TENM2: variants seen among roughly 807,000 people sequenced by gnomAD.
TENM2 encodes the protein teneurin-2.
TENM2 carries 52 observed loss-of-function variants against 245.2 expected under a neutral mutation model. The observed-to-expected ratio is 0.21, with a 90% CI of 0.17 to 0.27. The LOEUF (loss-of-function observed/expected upper bound fraction) is 0.27, where lower values mean the gene tolerates loss of function less well. Ranked by LOEUF, TENM2 falls within the 10% of genes least tolerant of loss-of-function variation. The probability of loss-of-function intolerance (pLI) is 1.00; values close to 1 mark genes in which losing one functional copy is unlikely to be tolerated. For synonymous variants in TENM2, 1,363 were observed against 1,438.9 expected, an observed-to-expected ratio of 0.95 and a Z score of 1.19; for missense variants, 3,046 against 3,666.8, an observed-to-expected ratio of 0.83 and a Z score of 4.37.
chr5:167,875,184 G>A (rs771338194), intron 2 of TENM2, among the ~76,000 whole-genome samples: 1 of 152,148 alleles, frequency 6.6e-6, no homozygotes, highest in Non-Finnish European at 1.5e-5. Flanking sequence ...CAGGCAGATG[G>A]GCAAATTTCA....
In TENM2 at chr5:167,548,198, A is replaced by G. The variant is rs565027793; in HGVS notation, c.502+172725A>G. Among the ~76,000 whole-genome samples, 3 of 152,362 alleles carry G rather than the reference A, an allele frequency of 2.0e-5. 1 individual carries two copies. Among genetic ancestry groups the G allele is most frequent in the Admixed American group, 2.0e-4 (3 of 15,304 alleles). ...GATAGTCAGATGAAAGGTGCTTTAG[A>G]AGGCAGACATGATTACTGGATTAGA... On this transcript the variant is annotated intron_variant, in intron 2 of 28. Coordinates refer to ENST00000518659, the Ensembl canonical transcript of TENM2.
At chr5:167,511,500 G>A (rs1362535517) in intron 2 of TENM2, among the ~76,000 whole-genome samples, 1 of 152,158 alleles carries the variant, frequency 6.6e-6, no homozygotes, top group Non-Finnish European at 1.5e-5. Context: ...GAAGAAATTT[G>A]CATTCTTTTG....
chr5:167,984,068 A>C (rs541107930), intron 4 of TENM2, among the ~76,000 whole-genome samples: 24 of 152,256 alleles, frequency 1.6e-4, no homozygotes, highest in Middle Eastern at 3.4e-3. Context: ...AAGCCCAAGA[A>C]GTAGCTACTA....
intron 2 of TENM2, chr5:167,821,169 T>A (rs1767493421): frequency 6.6e-6 from 1 of 152,076 alleles, no homozygotes. Context: ...CAGGGAACAT[T>A]TGTTTTGTTT....
At chr5:167,873,142 G>A (rs912462514) in intron 2 of TENM2, among the ~76,000 whole-genome samples, 8 of 152,370 alleles carry the variant, frequency 5.3e-5, no homozygotes, top group Non-Finnish European at 1.2e-4. Context: ...GAGTTCAGGA[G>A]CCTTGAAGAA....
intron 23 of TENM2, among the ~76,000 whole-genome samples, chr5:168,223,869 T>C (rs983546571): frequency 1.3e-5 from 2 of 152,120 alleles, no homozygotes; most frequent in Non-Finnish European, 2.9e-5. Context: ...TAAATGTCTA[T>C]ATTTTCAGAG....
At chr5:168,180,297 A>G (rs1473155080) in intron 13 of TENM2, among the ~76,000 whole-genome samples, 1 of 152,218 alleles carries the variant, frequency 6.6e-6, no homozygotes, top group Non-Finnish European at 1.5e-5. Flanking sequence ...TGCGTACTCC[A>G]TGACAATATT....
At chr5:167,372,449 T>C (rs1450442797) in intron 1 of TENM2, among the ~76,000 whole-genome samples, 1 of 152,230 alleles carries the variant, frequency 6.6e-6, no homozygotes, top group Non-Finnish European at 1.5e-5. Context: ...CTGTTACCTC[T>C]GGAACCCAGG....
chr5:168,025,878 G>C lies in TENM2; in HGVS notation c.1187-21549G>C, dbSNP rs189841550. On this transcript the variant is annotated intron_variant, in intron 5 of 28. Transcript: ENST00000518659. The stretch of plus-strand genomic sequence containing the variant: ...CAATAAAGGCTTCATTGGCCAGTGC[G>C]TCCTGAGGTTGGAATTAAGTCTCTC... Among the ~76,000 whole-genome samples the C allele has an allele frequency of 9.2e-5, 14 of 152,268 alleles. No individual in the cohort carries two copies. In the East Asian group the frequency reaches 2.1e-3, roughly 23 times the overall value.
At position 168,001,985 on chromosome 5, in the gene TENM2, C is replaced by T. The variant is rs2617957; in HGVS notation, c.1186+8803C>T. Among the ~76,000 whole-genome samples the T allele has an allele frequency of 5.8e-3, 881 of 152,316 alleles. 10 individuals are homozygous for T. The highest frequency in any genetic ancestry group is 0.02 in the African/African-American group (834 of 41,566). On this transcript the variant is annotated intron_variant, in intron 5 of 28. Coordinates refer to ENST00000518659, the Ensembl canonical transcript of TENM2. Reference sequence around the variant, plus strand: ...TATCACACTGTATCAGAAAATATAACAGCACTAAGCTACATGTTGGTAAGA... The same window carrying T: ...TATCACACTGTATCAGAAAATATAATAGCACTAAGCTACATGTTGGTAAGA...
At chr5:167,260,949 T>C in the TENM2 span, among the ~76,000 whole-genome samples, 2 of 152,214 alleles carry the variant, frequency 1.3e-5, no homozygotes, top group Non-Finnish European at 2.9e-5. Context: ...ACTAGGTCTT[T>C]AAATCCTCAT....
Position 167,859,396 on chromosome 5 carries a change from C to T in TENM2, c.503-16590C>T, listed in dbSNP as rs1238530781. On this transcript the variant is annotated intron_variant, in intron 2 of 28. Transcript: ENST00000518659. ...AGGGAGGTGGGGGGGGTCAGCCCCCCGCCCGGCCAGCCGCCCCGTCCGGGA... is the reference window on the plus strand; with the variant it reads ...AGGGAGGTGGGGGGGGTCAGCCCCCTGCCCGGCCAGCCGCCCCGTCCGGGA... Among the ~76,000 whole-genome samples the T allele has an allele frequency of 1.1e-3, 153 of 140,658 alleles. No individual in the cohort carries two copies. The South Asian group carries it at 0.012, about 11-fold the overall frequency. The allele number at this position is 140,658 out of a possible 152,430, so 92.3% of individuals were successfully genotyped here.
rs368554095 is a variant in TENM2, at chr5:167,965,347, A to G, written c.947+12525A>G. The G allele has an allele frequency of 4.3e-4, 66 of 152,342 alleles. 1 individual carries two copies. Among genetic ancestry groups the G allele is most frequent in the African/African-American group, 1.5e-3 (64 of 41,570 alleles). The allele number at this position is 152,342 out of a possible 1,614,324, so 9.4% of individuals were successfully genotyped here. On this transcript the variant is annotated intron_variant, in intron 4 of 28. Coordinates refer to ENST00000518659, the Ensembl canonical transcript of TENM2. ...GATTCTAAAATAATATGTATAACAC[A>G]GAAAATCATCCATTTACAGATAATA...
chr5:168,162,489 G>C, intron 12 of TENM2, 122 bp from the exon 15 acceptor site: 1 of 1,026,598 alleles, frequency 9.7e-7, no homozygotes, highest in Non-Finnish European at 1.4e-6. Context: ...GGCAGGCGCG[G>C]GCCCCACTGT....
At position 167,888,688 on chromosome 5, in the gene TENM2, G is replaced by A. The variant is rs150240381; in HGVS notation, c.712+12493G>A. The stretch of plus-strand genomic sequence containing the variant: ...GTTAAACATAGAAAAACTGTTTTGT[G>A]TGGTGCTTTAAAATTCTAGCTCAGG... On this transcript the variant is annotated intron_variant, in intron 3 of 28. Coordinates refer to ENST00000518659, the Ensembl canonical transcript of TENM2. Among the ~76,000 whole-genome samples, 26 of 152,310 alleles carry A rather than the reference G, an allele frequency of 1.7e-4. No individual in the cohort carries two copies. The East Asian group carries it at 3.1e-3, about 18-fold the overall frequency.
intron 1 of TENM2, among the ~76,000 whole-genome samples, chr5:167,299,225 G>A (rs1353497760): frequency 6.6e-6 from 1 of 152,170 alleles, no homozygotes; most frequent in Non-Finnish European, 1.5e-5. Flanking sequence ...AAACTGCTTG[G>A]CTGATTTGAC....
At chr5:167,220,622 C>T in the TENM2 span, among the ~76,000 whole-genome samples, 2,014 of 152,196 alleles carry the variant, frequency 0.013, 10 homozygotes, top group Middle Eastern at 0.031. Flanking sequence ...TGACTGGTAG[C>T]GCAATCATAA....
intron 2 of TENM2, among the ~76,000 whole-genome samples, chr5:167,823,132 T>A (rs1178327556): frequency 6.6e-6 from 1 of 152,160 alleles, no homozygotes; most frequent in African/African-American, 2.4e-5. Flanking sequence ...TTGATAGTGC[T>A]AGTTTGCCTT....
chr5:168,076,294 C>T (rs958904386), intron 7 of TENM2, among the ~76,000 whole-genome samples: 3 of 150,360 alleles, frequency 2.0e-5, no homozygotes, highest in Admixed American at 1.3e-4. Flanking sequence ...GGTGTGATCT[C>T]GGCTCACTGC....
Sources: allele counts gnomAD v4.1 joint callset (sites outside exome capture counted in the v4.1 genomes callset), GRCh38; gene constraint gnomAD v4.1.1; transcripts MANE v1.5; gene names NCBI Gene and HGNC (gene_info 2026-07-23, HGNC 2026-07-21).